MCC: variants seen among roughly 807,000 people sequenced by gnomAD.
MCC encodes colorectal mutant cancer protein.
A neutral mutation model predicts 116.2 loss-of-function variants in MCC; 90 were observed. The ratio of observed to expected loss-of-function variants is 0.77; its 90% CI spans 0.65 to 0.92. MCC has a LOEUF of 0.92. MCC is among the 40% of genes least tolerant of loss of function. The pLI is 0.00. For synonymous variants in MCC, 578 were observed against 510.5 expected, an observed-to-expected ratio of 1.13 and a Z score of -1.78; for missense variants, 1,516 against 1,312.2, an observed-to-expected ratio of 1.16 and a Z score of -2.40.
At chr5:113,312,050 G>T (rs1767147201) in intron 3 of MCC, among the ~76,000 whole-genome samples, 1 of 152,222 alleles carries the variant, frequency 6.6e-6, no homozygotes, top group Admixed American at 6.5e-5. Context: ...AGTTTGCAGT[G>T]AGCCGAGGTC....
chr5:113,478,633 T>C (rs1034809425), intron 1 of MCC, among the ~76,000 whole-genome samples: 10 of 152,254 alleles, frequency 6.6e-5, no homozygotes, highest in African/African-American at 2.4e-4. Context: ...TTACTGCATA[T>C]AGCTGTCTGA....
intron 1 of MCC, among the ~76,000 whole-genome samples, chr5:113,386,692 T>C (rs956214419): frequency 6.6e-6 from 1 of 151,504 alleles, no homozygotes; most frequent in African/African-American, 2.4e-5. Context: ...TATAAAGAAT[T>C]TTTACACATA....
rs1015638829 is a variant in MCC, at chr5:113,029,012, A to G, written c.2801T>C (p.Leu934Ser). Residue 934 changes from leucine to serine, a missense_variant, in exon 18 of 19, where the codon TTG (leucine) becomes TCG (serine). Coordinates refer to ENST00000408903, the MANE Select transcript of MCC (RefSeq NM_001085377.2). ...KARVQELVSA[L>S]ERLTKSSEIR... ...TTCACTGCTCTTGGTGAGTCTCTCC[A>G]AGGCACTCACCAGCTCTTGAACTCT... The G allele has an allele frequency of 8.7e-6, 14 of 1,613,656 alleles. No homozygotes were observed. Among genetic ancestry groups the G allele is most frequent in the East Asian group, 2.2e-5 (1 of 44,886 alleles).
chr5:113,448,969 C>A (rs10053622), intron 1 of MCC, among the ~76,000 whole-genome samples: 17,529 of 152,144 alleles, frequency 0.12, 1,748 homozygotes, highest in African/African-American at 0.27. Flanking sequence ...CTATATATTG[C>A]ATGAATCAGG....
At chr5:113,284,514 T>G (rs754004052) in intron 3 of MCC, among the ~76,000 whole-genome samples, 2 of 152,220 alleles carry the variant, frequency 1.3e-5, no homozygotes, top group African/African-American at 4.8e-5. Context: ...TCCTGTAATA[T>G]AGAAATAGAG....
chr5:113,054,947 C>T (rs893257454), intron 14 of MCC, among the ~76,000 whole-genome samples: 2 of 152,190 alleles, frequency 1.3e-5, no homozygotes, highest in African/African-American at 2.4e-5. Flanking sequence ...CCACTCCACT[C>T]GGTTGAGGAC....
chr5:113,369,234 C>T (rs555525408), intron 2 of MCC, among the ~76,000 whole-genome samples: 121 of 152,214 alleles, frequency 7.9e-4, no homozygotes, highest in South Asian at 3.1e-3. Context: ...GGCTTAAAGT[C>T]CCAACTCCAT....
At chr5:113,477,077 C>T (rs1772252538) in intron 1 of MCC, among the ~76,000 whole-genome samples, 3 of 152,078 alleles carry the variant, frequency 2.0e-5, no homozygotes, top group African/African-American at 7.2e-5. Flanking sequence ...TCTTCAAATT[C>T]TATAATAAAA....
chr5:113,315,841 G>A (rs1561520940), intron 3 of MCC, among the ~76,000 whole-genome samples: 3 of 152,080 alleles, frequency 2.0e-5, no homozygotes, highest in Non-Finnish European at 4.4e-5. Flanking sequence ...TCACACCACT[G>A]CGCTCCAGCC....
At chr5:113,329,361 G>C (rs888747994) in intron 3 of MCC, among the ~76,000 whole-genome samples, 1 of 149,580 alleles carries the variant, frequency 6.7e-6, no homozygotes, top group African/African-American at 2.5e-5. Context: ...TAAGAGTAAA[G>C]ATGGTGAATA....
intron 3 of MCC, among the ~76,000 whole-genome samples, chr5:113,287,323 C>G (rs1766302667): frequency 6.6e-6 from 1 of 152,058 alleles, no homozygotes; most frequent in Admixed American, 6.5e-5. Context: ...ACTTTGAAAT[C>G]TTCATCAACA....
rs143741937 is a variant in MCC, at chr5:113,331,739, G to A, written c.627+8780C>T. ...CAACCTCTGCCTCCTGGGTTCAAGC[G>A]ATTCTCCTTGCCTCAGCTTCCCGAG... On this transcript the variant is annotated intron_variant, in intron 3 of 18. Coordinates refer to ENST00000408903, the MANE Select transcript of MCC (RefSeq NM_001085377.2). Among the ~76,000 whole-genome samples, 38 of 151,450 alleles carry A rather than the reference G, an allele frequency of 2.5e-4. 2 individuals are homozygous for A. Among genetic ancestry groups the A allele is most frequent in the Admixed American group, 9.2e-4 (14 of 15,252 alleles).
intron 3 of MCC, among the ~76,000 whole-genome samples, chr5:113,283,007 A>C (rs1329528597): frequency 6.6e-6 from 1 of 152,204 alleles, no homozygotes; most frequent in Non-Finnish European, 1.5e-5. Flanking sequence ...CCTGCCTGAC[A>C]TTGCTAGTCA....
intron 2 of MCC, among the ~76,000 whole-genome samples, chr5:113,363,217 C>T (rs1420932384): frequency 1.3e-5 from 2 of 152,144 alleles, no homozygotes; most frequent in Non-Finnish European, 2.9e-5. Flanking sequence ...TTGGAAGTTG[C>T]AGTGAGCCGA....
intron 2 of MCC, among the ~76,000 whole-genome samples, chr5:113,374,957 A>G (rs111268711): frequency 9.6e-4 from 133 of 138,312 alleles, no homozygotes; most frequent in African/African-American, 3.4e-3. Flanking sequence ...GTGCTACAGC[A>G]CTCCAGCCTG....
intron 3 of MCC, among the ~76,000 whole-genome samples, chr5:113,200,002 G>A (rs1165193308): frequency 1.3e-5 from 2 of 151,972 alleles, no homozygotes; most frequent in African/African-American, 4.8e-5. Context: ...CCGTGTGTGA[G>A]ACACTAGAAT....
chr5:113,433,112 C>T (rs1266258320), intron 1 of MCC: 1 of 157,382 alleles, frequency 6.4e-6, no homozygotes, highest in African/African-American at 2.4e-5. Flanking sequence ...AAGCTTAATG[C>T]TTTAAAAGTA....
At chr5:113,449,117 C>G (rs1561578547) in intron 1 of MCC, among the ~76,000 whole-genome samples, 1 of 152,174 alleles carries the variant, frequency 6.6e-6, no homozygotes, top group African/African-American at 2.4e-5. Context: ...AATAAAATAG[C>G]ACAAATGGCT....
chr5:113,079,180 T>C (rs550649062), intron 11 of MCC, among the ~76,000 whole-genome samples: 238 of 152,292 alleles, frequency 1.6e-3, no homozygotes, highest in Middle Eastern at 0.01. Flanking sequence ...TGGAAGAACA[T>C]TCCATGCTCA....
Sources: allele counts gnomAD v4.1 joint callset (sites outside exome capture counted in the v4.1 genomes callset), GRCh38; gene constraint gnomAD v4.1.1; transcripts MANE v1.5; gene names NCBI Gene and HGNC (gene_info 2026-07-23, HGNC 2026-07-21).